The following PLPP2 variants were observed in gnomAD, a reference collection of about 807,000 sequenced individuals.
The protein encoded by PLPP2 is PAP2-gamma.
A neutral mutation model predicts 35.2 loss-of-function variants in PLPP2; 29 were observed. The ratio of observed to expected loss-of-function variants is 0.82; its 90% CI spans 0.61 to 1.12. PLPP2 has a LOEUF of 1.12. PLPP2 is among the 50% of genes most tolerant of loss of function. The pLI is 0.00. For synonymous variants in PLPP2, 162 were observed against 167.0 expected (o/e 0.97, Z 0.23); for missense variants, 353 against 375.2 (o/e 0.94, Z 0.49).
chr19:291,232 G>C, intron 1 of PLPP2, 53 bp downstream of exon 1: 10 of 1,594,820 alleles, frequency 6.3e-6, no homozygotes, highest in Non-Finnish European at 8.5e-6. Context: ...GCAGCCGGGG[G>C]CGTGTCCGTC....
chr19:283,272 C>T (rs1970213798), intron 3 of PLPP2: 1 of 159,784 alleles, frequency 6.3e-6, no homozygotes, highest in African/African-American at 2.4e-5. Flanking sequence ...TTTGGAACTA[C>T]TCAAAAGCTT....
rs1178091933 is a variant in PLPP2, at chr19:290,728, T to C, written c.52+557A>G. On this transcript the variant is annotated intron_variant, in intron 1 of 5. Coordinates refer to ENST00000434325, the MANE Select transcript of PLPP2 (RefSeq NM_003712.4). ...CCCGCCACCCCGTTCACCCGAAGCC[T>C]GGGACCCAGCCTTCATCCCCAGTGT... Among the ~76,000 whole-genome samples, 3 of 151,922 alleles carry C rather than the reference T, an allele frequency of 2.0e-5. No homozygotes were observed. The South Asian group carries it at 6.2e-4, about 32-fold the overall frequency.
At chr19:288,533 C>T (rs1288035503) in intron 1 of PLPP2, 1 of 161,938 alleles carries the variant, frequency 6.2e-6, no homozygotes, top group Admixed American at 5.9e-5. Context: ...TGGGCTGGAG[C>T]GATCCTCCAG....
chr19:290,265 A>C (rs1970359769), intron 1 of PLPP2, among the ~76,000 whole-genome samples: 1 of 152,178 alleles, frequency 6.6e-6, no homozygotes, highest in African/African-American at 2.4e-5. Context: ...GACCTCCGGC[A>C]GGTGACTCAG....
At position 281,357 on chromosome 19, in the gene PLPP2, C is replaced by T. The variant is rs771048440; in HGVS notation, c.*31G>A. 5.8e-6 allele frequency: 8 copies of T among 1,389,172 alleles called. No individual in the cohort carries two copies. The highest frequency in any genetic ancestry group is 2.5e-4 in the Middle Eastern group (1 of 3,996). The allele number at this position is 1,389,172 out of a possible 1,614,324, so 86.1% of individuals were successfully genotyped here. A position where few individuals can be genotyped will look rare whatever the true frequency, so the allele number is the denominator to read the frequency against. ...CCTGGGTGGGCCTCAGCTGGACTCA[C>T]AGCAGCTCCCTGCCTGGGCGGGGTC... On this transcript the variant is annotated 3_prime_UTR_variant, in exon 6 of 6. Transcript: ENST00000434325.
At position 281,432 on chromosome 19, in the gene PLPP2, C is replaced by T. The variant is rs1169015572; in HGVS notation, c.823G>A (p.Glu275Lys). 11 of 1,535,320 alleles carry T rather than the reference C, an allele frequency of 7.2e-6. No individual in the cohort carries two copies. The Admixed American group carries it at 1.5e-4, about 21-fold the overall frequency. The change falls in exon 6 of 6, where the codon GAG (glutamate) becomes AAG (lysine). Residue 275 changes from glutamate to lysine, a missense_variant. By Grantham distance (56) the Glu-to-Lys change is moderately conservative. Coordinates refer to ENST00000434325, the MANE Select transcript of PLPP2 (RefSeq NM_003712.4). ...PSLSLTLTLG[E>K]ADHNHYGYPH... ...TATCCATAGTGGTTGTGGTCAGCCTCGCCCAGGGTCAACGTCAGTGACAGG... is the reference window on the plus strand; with the variant it reads ...TATCCATAGTGGTTGTGGTCAGCCTTGCCCAGGGTCAACGTCAGTGACAGG...
intron 1 of PLPP2, among the ~76,000 whole-genome samples, chr19:289,916 A>G (rs1022359676): frequency 2.6e-5 from 4 of 152,020 alleles, no homozygotes; most frequent in African/African-American, 9.7e-5. Context: ...CACAGCTCTT[A>G]TCGGGCGGAG....
At chr19:281,958 G>T in intron 5 of PLPP2, 176 bp downstream of exon 5, 1 of 685,558 alleles carries the variant, frequency 1.5e-6, no homozygotes, top group Non-Finnish European at 2.4e-6. Context: ...AGGACTGGGG[G>T]GAAGGATGGG....
intron 4 of PLPP2, 67 bp from the exon 5 acceptor site, chr19:282,377 G>T: frequency 7.6e-7 from 1 of 1,315,314 alleles, no homozygotes; most frequent in Non-Finnish European, 1.1e-6. Flanking sequence ...CTGCACAGAC[G>T]TGTTAGCCTG....
At chr19:281,575 T>C in intron 5 of PLPP2, 38 bp from the exon 6 acceptor site, 1 of 1,432,026 alleles carries the variant, frequency 7.0e-7, no homozygotes, top group South Asian at 1.7e-5. Flanking sequence ...GGCAGGGGGC[T>C]GTCCAGGTAC....
At chr19:282,642 C>T (rs975532291) in intron 4 of PLPP2, 110 bp downstream of exon 4, 31 of 1,191,746 alleles carry the variant, frequency 2.6e-5, no homozygotes, top group Non-Finnish European at 3.4e-5. Flanking sequence ...AGTTAGCCCC[C>T]CTCACCACCA....
In PLPP2 at chr19:287,613, G is replaced by C. The variant is rs200322171; in HGVS notation, c.343C>G (p.Leu115Val). 1.9e-6 allele frequency: 3 copies of C among 1,613,900 alleles called. No homozygotes were observed. The East Asian group carries it at 6.7e-5, about 36-fold the overall frequency. The change falls in exon 3 of 6, where the codon CTG (leucine) becomes GTG (valine). Residue 115 changes from leucine (L) to valine (V), a missense_variant. By Grantham distance (32) the Leu-to-Val change is conservative (BLOSUM62 1). Transcript: ENST00000434325. This position sits in a 1 kb window ranked among gnomAD's most constrained non-coding sequence, Gnocchi z 4.3. ...GAAVSQSLTD[L>V]AKYMIGRLRP... ...AGACGCCCAATCATGTACTTGGCCAGGTCTGTCAGAGACTGGCTCACGGCA... is the reference window on the plus strand; with the variant it reads ...AGACGCCCAATCATGTACTTGGCCACGTCTGTCAGAGACTGGCTCACGGCA...
intron 1 of PLPP2, among the ~76,000 whole-genome samples, chr19:290,619 G>A (rs1477056878): frequency 6.6e-6 from 1 of 152,220 alleles, no homozygotes; most frequent in African/African-American, 2.4e-5. Flanking sequence ...GGGACCCTGC[G>A]GGAGGGGGGC....
At position 288,032 on chromosome 19, in the gene PLPP2, G is replaced by A. The variant is rs1457656898; in HGVS notation, c.192C>T (p.Ala64=). The part of the protein sequence containing the change: ...HGLMAGVTIT[A]TVILVSAGEA... ...CCTCCTGCCTTACAAGGATGACGGT[G>A]GCCGTGATGGTGACCCCAGCCATGA... The change falls in exon 2 of 6, where the codon GCC becomes GCT. Residue 64 remains alanine, a synonymous_variant. Transcript: ENST00000434325. 3 of 1,613,560 alleles carry A rather than the reference G, an allele frequency of 1.9e-6. No individual in the cohort carries two copies. In the East Asian group the frequency reaches 6.7e-5, roughly 36 times the overall value.
chr19:282,022 A>C, intron 5 of PLPP2, 112 bp downstream of exon 5: 1 of 1,210,680 alleles, frequency 8.3e-7, no homozygotes, highest in South Asian at 1.4e-5. Context: ...ACTGACAGGG[A>C]GGAGGCCCAA....
intron 3 of PLPP2, 49 bp from the exon 4 acceptor site, chr19:282,858 C>T (rs1970208602): frequency 1.3e-6 from 2 of 1,554,764 alleles, no homozygotes; most frequent in Admixed American, 1.7e-5. Flanking sequence ...TTCCAACCTC[C>T]CCCTTGTCCC....
intron 1 of PLPP2, among the ~76,000 whole-genome samples, chr19:290,697 C>T (rs988615679): frequency 2.0e-5 from 3 of 152,222 alleles, no homozygotes; most frequent in Admixed American, 6.5e-5. Flanking sequence ...CCTGGCCTCC[C>T]GGCCCCCCGC....
rs1046853388 is a variant in PLPP2, at chr19:281,171, G to A, written c.*217C>T. On this transcript the variant is annotated 3_prime_UTR_variant, in exon 6 of 6. Coordinates refer to ENST00000434325, the MANE Select transcript of PLPP2 (RefSeq NM_003712.4). ...GAAGGGGATATTTGGGGACCGACGG[G>A]AACAGGTTCCCCTCCAAATGCTGAG... 19 of 408,734 alleles carry A rather than the reference G, an allele frequency of 4.6e-5. No individual in the cohort carries two copies. The highest frequency in any genetic ancestry group is 6.7e-5 in the Non-Finnish European group (16 of 237,546). 25.3% of individuals were successfully genotyped at this position (408,734 alleles called of 1,614,324 possible).
At chr19:290,966 G>T in intron 1 of PLPP2, 1 of 1,242,674 alleles carries the variant, frequency 8.0e-7, no homozygotes, top group Non-Finnish European at 1.0e-6. Flanking sequence ...CAGGCCAGGC[G>T]GGGCGGGATG....
Sources: allele counts gnomAD v4.1 joint callset (sites outside exome capture counted in the v4.1 genomes callset), GRCh38; gene constraint gnomAD v4.1.1; non-coding constraint Gnocchi (gnomAD v3.1); transcripts MANE v1.5; gene names NCBI Gene and HGNC (gene_info 2026-07-23, HGNC 2026-07-21).